The following KCNIP4 variants were observed in gnomAD, a reference collection of about 807,000 sequenced individuals.
The protein encoded by KCNIP4 is Kv channel-interacting protein 4.
Under a neutral mutation model 34.0 loss-of-function variants are expected in KCNIP4, and 12 were observed. That is an observed-to-expected ratio of 0.35 (90% CI 0.23 to 0.57). The LOEUF (loss-of-function observed/expected upper bound fraction) is 0.57. Ranked by LOEUF, KCNIP4 falls within the 20% of genes least tolerant of loss-of-function variation. The probability of loss-of-function intolerance (pLI) is 0.83; values close to 1 mark genes in which losing one functional copy is unlikely to be tolerated. For synonymous variants in KCNIP4, 124 were observed against 102.2 expected (o/e 1.21, Z -1.29); for missense variants, 238 against 311.7 (o/e 0.76, Z 1.78).
chr4:21,930,899 G>A (rs1480852801), intron 1 of KCNIP4, among the ~76,000 whole-genome samples: 1 of 152,088 alleles, frequency 6.6e-6, no homozygotes, highest in Non-Finnish European at 1.5e-5. Context: ...CTAGTCTTTT[G>A]TGATGGTTTA....
In KCNIP4 at chr4:21,753,550, T is replaced by G. The variant is rs76723710; in HGVS notation, c.61+195021A>C. Among the ~76,000 whole-genome samples, 1,333 of 152,290 alleles carry G rather than the reference T, an allele frequency of 8.8e-3. 19 individuals carry two copies. Among genetic ancestry groups the G allele is most frequent in the South Asian group, 0.039 (186 of 4,820 alleles). ...TCCTGGTCTCTAAAAAAATATGCCC[T>G]AGGTTACTTCCAGTAAGCCAACAGC... On this transcript the variant is annotated intron_variant, in intron 1 of 8. Coordinates refer to ENST00000382152, the MANE Select transcript of KCNIP4 (RefSeq NM_025221.6).
intron 1 of KCNIP4, among the ~76,000 whole-genome samples, chr4:21,497,481 T>A (rs1056155754): frequency 2.6e-5 from 4 of 152,160 alleles, no homozygotes; most frequent in Non-Finnish European, 5.9e-5. Context: ...CTCCTACTCA[T>A]CCCTTAAGTC....
chr4:21,584,595 C>T (rs973065854), intron 1 of KCNIP4, among the ~76,000 whole-genome samples: 4 of 151,926 alleles, frequency 2.6e-5, no homozygotes, highest in African/African-American at 9.7e-5. Flanking sequence ...ATTACTAATC[C>T]TCAAAATAAC....
chr4:20,999,356 A>AT (rs1737850325), intron 1 of KCNIP4, among the ~76,000 whole-genome samples: 1 of 151,186 alleles, frequency 6.6e-6, no homozygotes, highest in Non-Finnish European at 1.5e-5. Flanking sequence ...CGTAAACAGG[A>AT]CACAGATCAC....
chr4:21,773,755 T>TGTTTGTTTG (rs1553930261), intron 1 of KCNIP4, among the ~76,000 whole-genome samples: 8 of 137,868 alleles, frequency 5.8e-5, no homozygotes, highest in African/African-American at 2.7e-4. Context: ...GTTTTTTTTT[T>TGTTTGTTTG]TTTGTTTGTT....
chr4:21,011,213 C>T (rs946578451), intron 1 of KCNIP4, among the ~76,000 whole-genome samples: 3 of 152,184 alleles, frequency 2.0e-5, no homozygotes, highest in African/African-American at 7.2e-5. Flanking sequence ...GATTCTTACT[C>T]ATTAACTTTA....
chr4:21,177,847 CA>C (rs941042353), intron 1 of KCNIP4, among the ~76,000 whole-genome samples: 19 of 130,124 alleles, frequency 1.5e-4, no homozygotes, highest in Middle Eastern at 4.1e-3. Context: ...GACTATGTCT[CA>C]AAAAAAAAAT....
intron 1 of KCNIP4, among the ~76,000 whole-genome samples, chr4:21,359,060 G>A (rs576265857): frequency 5.3e-5 from 8 of 151,942 alleles, no homozygotes; most frequent in Non-Finnish European, 8.8e-5. Flanking sequence ...CCTTAATTTC[G>A]GCAAAATAAA....
chr4:21,639,952 A>G (rs545101914), intron 1 of KCNIP4, among the ~76,000 whole-genome samples: 16 of 152,168 alleles, frequency 1.1e-4, no homozygotes, highest in Non-Finnish European at 2.1e-4. Flanking sequence ...AGCAGTTTAG[A>G]GTCAATGTCT....
chr4:20,771,893 A>G (rs1755922845), intron 3 of KCNIP4, among the ~76,000 whole-genome samples: 1 of 152,052 alleles, frequency 6.6e-6, no homozygotes, highest in Non-Finnish European at 1.5e-5. Context: ...GATGGTCTCG[A>G]TCTCCTGACC....
At chr4:21,356,213 C>A (rs187540246) in intron 1 of KCNIP4, among the ~76,000 whole-genome samples, 101 of 152,226 alleles carry the variant, frequency 6.6e-4, no homozygotes, top group African/African-American at 2.3e-3. Flanking sequence ...CAGCAAATAT[C>A]ATACTGAATG....
chr4:20,834,567 C>A (rs529755852), intron 3 of KCNIP4, among the ~76,000 whole-genome samples: 28 of 152,180 alleles, frequency 1.8e-4, no homozygotes, highest in African/African-American at 5.3e-4. Flanking sequence ...TGAGAAGGAA[C>A]CAAAAGGTCC....
At chr4:21,481,589 A>G (rs358587) in intron 1 of KCNIP4, among the ~76,000 whole-genome samples, 7,975 of 152,210 alleles carry the variant, frequency 0.052, 561 homozygotes, top group African/African-American at 0.15. Flanking sequence ...TAAATGGCTA[A>G]AAATGTGCTT....
chr4:21,312,230 C>T (rs1713262882), intron 1 of KCNIP4, among the ~76,000 whole-genome samples: 1 of 152,136 alleles, frequency 6.6e-6, no homozygotes, highest in Admixed American at 6.6e-5. Context: ...CCAGCACTGG[C>T]AAGAGAGAAC....
intron 1 of KCNIP4, among the ~76,000 whole-genome samples, chr4:21,058,059 T>A (rs1432533121): frequency 6.6e-6 from 1 of 152,112 alleles, no homozygotes; most frequent in African/African-American, 2.4e-5. Context: ...CTAAAGATAG[T>A]CAGTGCTTGG....
intron 1 of KCNIP4, among the ~76,000 whole-genome samples, chr4:20,939,375 ATTAT>A (rs994703426): frequency 1.7e-4 from 26 of 151,712 alleles, no homozygotes; most frequent in African/African-American, 4.8e-4. Flanking sequence ...TTATTAATTT[ATTAT>A]TTATTTATTT....
chr4:21,141,403 A>T (rs980133551), intron 1 of KCNIP4, among the ~76,000 whole-genome samples: 2 of 151,562 alleles, frequency 1.3e-5, no homozygotes, highest in South Asian at 2.1e-4. Flanking sequence ...GTACTAAGAT[A>T]AAAAAAAACT....
intron 8 of KCNIP4, among the ~76,000 whole-genome samples, chr4:20,730,480 T>G (rs1475864292): frequency 6.6e-6 from 1 of 152,004 alleles, no homozygotes; most frequent in Non-Finnish European, 1.5e-5. Context: ...TGGCATTCTA[T>G]GTAGATCACA....
intron 1 of KCNIP4, among the ~76,000 whole-genome samples, chr4:21,468,657 A>G (rs976427641): frequency 2.0e-5 from 3 of 152,130 alleles, no homozygotes; most frequent in African/African-American, 7.2e-5. Flanking sequence ...AAAAAAATCT[A>G]AGACAAGCAT....
Sources: gnomAD v4.1 joint callset for allele counts (sites outside exome capture counted in the v4.1 genomes callset) on GRCh38, gnomAD v4.1.1 for gene constraint, MANE v1.5 for transcripts, NCBI Gene and HGNC (gene_info 2026-07-23, HGNC 2026-07-21) for gene names.